The following KCTD8 variants were observed in gnomAD, a reference collection of about 807,000 sequenced individuals.
KCTD8 encodes the protein BTB/POZ domain-containing protein KCTD8.
Under a neutral mutation model 31.5 loss-of-function variants are expected in KCTD8, and 27 were observed. The observed-to-expected ratio is 0.86, with a 90% CI of 0.63 to 1.18. The LOEUF (loss-of-function observed/expected upper bound fraction) is 1.18. KCTD8 is among the 50% of genes most tolerant of loss of function. The pLI, the probability that KCTD8 is intolerant of heterozygous loss-of-function variation, is 0.00. For missense variants in KCTD8, 658 were observed against 647.7 expected, an observed-to-expected ratio of 1.02 and a Z score of -0.17; for synonymous variants, 290 against 280.0, an observed-to-expected ratio of 1.04 and a Z score of -0.36.
At chr4:44,300,424 T>G (rs1165482662) in intron 1 of KCTD8, among the ~76,000 whole-genome samples, 1 of 152,160 alleles carries the variant, frequency 6.6e-6, no homozygotes, top group East Asian at 1.9e-4. Flanking sequence ...GTTTGAAATA[T>G]TCTATTAAAA....
chr4:44,203,084 C>T (rs192806326), intron 1 of KCTD8, among the ~76,000 whole-genome samples: 321 of 152,194 alleles, frequency 2.1e-3, no homozygotes, highest in African/African-American at 7.1e-3. Flanking sequence ...AGACTTTAAC[C>T]AATTTATTTA....
intron 1 of KCTD8, among the ~76,000 whole-genome samples, chr4:44,304,562 A>C (rs1386005277): frequency 6.6e-6 from 1 of 152,134 alleles, no homozygotes; most frequent in African/African-American, 2.4e-5. Context: ...AAGTAATATA[A>C]TGCCATTGAT....
intron 1 of KCTD8, among the ~76,000 whole-genome samples, chr4:44,367,454 G>A (rs1719670340): frequency 6.6e-6 from 1 of 152,126 alleles, no homozygotes; most frequent in Non-Finnish European, 1.5e-5. Flanking sequence ...AGGAGGCTAT[G>A]ATGTTTACAT....
intron 1 of KCTD8, among the ~76,000 whole-genome samples, chr4:44,267,127 T>A: frequency 6.6e-6 from 1 of 152,112 alleles, no homozygotes; most frequent in Middle Eastern, 3.2e-3. Flanking sequence ...ATTCCAAAAT[T>A]GACCACATAC....
intron 1 of KCTD8, 124 bp downstream of exon 1, chr4:44,447,439 T>C: frequency 7.3e-7 from 1 of 1,377,092 alleles, no homozygotes; most frequent in South Asian, 1.7e-5. Context: ...GGAGAGCCGC[T>C]CTCTATAAGG....
intron 1 of KCTD8, among the ~76,000 whole-genome samples, chr4:44,369,038 T>G (rs1294314101): frequency 2.6e-5 from 4 of 152,154 alleles, no homozygotes; most frequent in Non-Finnish European, 5.9e-5. Flanking sequence ...ACTCAAGTAT[T>G]CATCGTAGCT....
At chr4:44,297,501 G>A (rs1019711284) in intron 1 of KCTD8, among the ~76,000 whole-genome samples, 3 of 151,526 alleles carry the variant, frequency 2.0e-5, no homozygotes, top group Non-Finnish European at 4.4e-5. Context: ...ATGAAATATA[G>A]TATATGTGCA....
chr4:44,229,745 C>A (rs1715064390), intron 1 of KCTD8, among the ~76,000 whole-genome samples: 1 of 151,966 alleles, frequency 6.6e-6, no homozygotes, highest in African/African-American at 2.4e-5. Context: ...TGAAAACAAA[C>A]AGACAAAAAT....
In KCTD8 at chr4:44,447,968, C is replaced by G; in HGVS notation, c.556G>C (p.Val186Leu). The part of the protein sequence containing the change: ...ALLLRGAAAA[V>L]PSGPGAHGGG... ...CCGTGCGCTCCCGGGCCCGAGGGCA[C>G]GGCGGCCGCCGCCCCGCGCAGCAGC... The change falls in exon 1 of 2, where the codon GTG becomes CTG. Residue 186 changes from valine to leucine, a missense_variant. Val to Leu is a conservative substitution (Grantham distance 32). Coordinates refer to ENST00000360029, the MANE Select transcript of KCTD8 (RefSeq NM_198353.3). 6.5e-7 allele frequency: 1 copy of G among 1,529,010 alleles called. No individual in the cohort carries two copies. The highest frequency in any genetic ancestry group is 1.2e-5 in the South Asian group (1 of 81,412). 94.7% of individuals were successfully genotyped at this position (1,529,010 alleles called of 1,614,324 possible). A position where few individuals can be genotyped will look rare whatever the true frequency, so the allele number is the denominator to read the frequency against.
intron 1 of KCTD8, among the ~76,000 whole-genome samples, chr4:44,371,261 C>T (rs1197572316): frequency 6.6e-6 from 1 of 152,164 alleles, no homozygotes; most frequent in Non-Finnish European, 1.5e-5. Context: ...CCTGCTCAAC[C>T]TTTTCAAATG....
At chr4:44,213,178 C>T (rs991952514) in intron 1 of KCTD8, among the ~76,000 whole-genome samples, 9 of 152,264 alleles carry the variant, frequency 5.9e-5, no homozygotes, top group East Asian at 1.9e-4. Flanking sequence ...CCTCGTGATC[C>T]GCCTGCCTCG....
rs180963485 is a variant in KCTD8, at chr4:44,350,377, T to C, written c.961+97186A>G. ...AACTAAAACTAAAAACAAAACCAGTTTGGAAGAATATCCATGAACTGTCAC... is the reference window on the plus strand; with the variant it reads ...AACTAAAACTAAAAACAAAACCAGTCTGGAAGAATATCCATGAACTGTCAC... On this transcript the variant is annotated intron_variant, in intron 1 of 1. Coordinates refer to ENST00000360029, the MANE Select transcript of KCTD8 (RefSeq NM_198353.3). 6.0e-3 allele frequency among the ~76,000 whole-genome samples: 907 copies of C among 152,252 alleles called. 9 individuals carry two copies. Among genetic ancestry groups the C allele is most frequent in the Middle Eastern group, 0.024 (7 of 294 alleles).
chr4:44,278,755 C>T (rs1359698065), intron 1 of KCTD8, among the ~76,000 whole-genome samples: 3 of 151,994 alleles, frequency 2.0e-5, no homozygotes, highest in Admixed American at 6.6e-5. Flanking sequence ...ACCTCATCTC[C>T]GTTCTCATCC....
chr4:44,400,001 T>C (rs1194678470), intron 1 of KCTD8, among the ~76,000 whole-genome samples: 1 of 152,222 alleles, frequency 6.6e-6, no homozygotes, highest in Admixed American at 6.5e-5. Context: ...AAAAGAGACC[T>C]TAATACTAGT....
chr4:44,401,128 C>T (rs1434544739), intron 1 of KCTD8, among the ~76,000 whole-genome samples: 2 of 144,740 alleles, frequency 1.4e-5, no homozygotes, highest in Admixed American at 7.2e-5. Flanking sequence ...GCCAGGATTA[C>T]AGGCATGAAT....
At chr4:44,205,081 T>A (rs1190230015) in intron 1 of KCTD8, among the ~76,000 whole-genome samples, 1 of 152,134 alleles carries the variant, frequency 6.6e-6, no homozygotes, top group East Asian at 1.9e-4. Flanking sequence ...ACCATAAAGA[T>A]GTAATTATCT....
At chr4:44,309,085 G>A (rs911281913) in intron 1 of KCTD8, among the ~76,000 whole-genome samples, 4 of 152,122 alleles carry the variant, frequency 2.6e-5, no homozygotes, top group African/African-American at 7.2e-5. Flanking sequence ...ACCCAGGCTT[G>A]AATGCAATGG....
intron 1 of KCTD8, among the ~76,000 whole-genome samples, chr4:44,407,986 GCTTA>G (rs1344770934): frequency 6.6e-6 from 1 of 152,042 alleles, no homozygotes; most frequent in Non-Finnish European, 1.5e-5. Context: ...ATCTTCCAGA[GCTTA>G]CTAAGATCTT....
intron 1 of KCTD8, among the ~76,000 whole-genome samples, chr4:44,305,499 CA>C (rs1717775854): frequency 6.6e-6 from 1 of 151,488 alleles, no homozygotes; most frequent in Admixed American, 6.6e-5. Context: ...TAAACAAACT[CA>C]CCAGGATGAT....
Sources: allele counts gnomAD v4.1 joint callset (sites outside exome capture counted in the v4.1 genomes callset), GRCh38; gene constraint gnomAD v4.1.1; transcripts MANE v1.5; gene names NCBI Gene and HGNC (gene_info 2026-07-23, HGNC 2026-07-21).